TASP1: variants seen among roughly 807,000 people sequenced by gnomAD.
The protein encoded by TASP1 is threonine aspartase 1.
A neutral mutation model predicts 56.6 loss-of-function variants in TASP1; 16 were observed. That is an observed-to-expected ratio of 0.28 (90% CI 0.19 to 0.43). The LOEUF (loss-of-function observed/expected upper bound fraction) is 0.43, where lower values mean the gene tolerates loss of function less well. TASP1 is among the 20% of genes least tolerant of loss of function. The probability of loss-of-function intolerance (pLI) is 1.00; values close to 1 mark genes in which losing one functional copy is unlikely to be tolerated. For synonymous variants in TASP1, 179 were observed against 184.2 expected (o/e 0.97, Z 0.23); for missense variants, 393 against 511.6 (o/e 0.77, Z 2.24).
the TASP1 span, among the ~76,000 whole-genome samples, chr20:13,297,267 G>A: frequency 2.0e-5 from 3 of 152,058 alleles, no homozygotes; most frequent in Non-Finnish European, 1.5e-5. Context: ...ACAGGGCTTG[G>A]GTAAAGTTTA....
chr20:13,565,605 A>G (rs751147969), intron 7 of TASP1, among the ~76,000 whole-genome samples: 4 of 152,194 alleles, frequency 2.6e-5, no homozygotes, highest in Non-Finnish European at 5.9e-5. Context: ...TAACAGCATA[A>G]TCATTATGGA....
the TASP1 span, among the ~76,000 whole-genome samples, chr20:13,275,205 T>C: frequency 4.7e-5 from 6 of 127,926 alleles, no homozygotes; most frequent in Non-Finnish European, 1.1e-4. Context: ...AAGACGGACT[T>C]AAAAATAGTC....
At chr20:13,357,933 AT>A in the TASP1 span, among the ~76,000 whole-genome samples, 1 of 152,200 alleles carries the variant, frequency 6.6e-6, no homozygotes, top group Non-Finnish European at 1.5e-5. Flanking sequence ...ACTTGCACGT[AT>A]ATGCCCAGAT....
the TASP1 span, among the ~76,000 whole-genome samples, chr20:13,356,531 G>A: frequency 4.5e-4 from 68 of 152,294 alleles, no homozygotes; most frequent in Non-Finnish European, 6.9e-4. Context: ...TTGGCCCCAA[G>A]AGCTTCCAGA....
chr20:13,630,316 A>G (rs770241766), intron 1 of TASP1, among the ~76,000 whole-genome samples, 164 bp from the exon 2 acceptor site: 1 of 152,204 alleles, frequency 6.6e-6, no homozygotes, highest in African/African-American at 2.4e-5. Flanking sequence ...ATTTTTTCTT[A>G]TTCCCATTGA....
the TASP1 span, among the ~76,000 whole-genome samples, chr20:13,358,627 C>T: frequency 1.3e-5 from 2 of 151,636 alleles, no homozygotes; most frequent in Non-Finnish European, 2.9e-5. Flanking sequence ...TATCCGTGGA[C>T]ACAAAACTTC....
At chr20:13,329,028 G>C in the TASP1 span, among the ~76,000 whole-genome samples, 1 of 152,080 alleles carries the variant, frequency 6.6e-6, no homozygotes, top group Non-Finnish European at 1.5e-5. Flanking sequence ...AAATAAAATT[G>C]GGTTGTTTTC....
chr20:13,580,704 C>T (rs2047089566), intron 6 of TASP1, among the ~76,000 whole-genome samples, 193 bp downstream of exon 6: 1 of 151,994 alleles, frequency 6.6e-6, no homozygotes, highest in Non-Finnish European at 1.5e-5. Context: ...AACACTGATC[C>T]CCTTTCTGCT....
intron 11 of TASP1, among the ~76,000 whole-genome samples, chr20:13,437,724 C>G (rs1220065701): frequency 6.6e-6 from 1 of 152,156 alleles, no homozygotes; most frequent in Non-Finnish European, 1.5e-5. Flanking sequence ...AACAGACAAA[C>G]AGAGAGCCAA....
chr20:13,142,066 G>A, the TASP1 span, among the ~76,000 whole-genome samples: 2 of 152,338 alleles, frequency 1.3e-5, no homozygotes, highest in South Asian at 2.1e-4. Flanking sequence ...CTAGCAAACT[G>A]TTCCAGAACC....
At chr20:13,213,790 C>G in the TASP1 span, among the ~76,000 whole-genome samples, 4 of 152,292 alleles carry the variant, frequency 2.6e-5, no homozygotes, top group South Asian at 8.3e-4. Context: ...TGATGTGATG[C>G]ACTGAGAAGA....
the TASP1 span, among the ~76,000 whole-genome samples, chr20:13,230,548 C>T: frequency 2.6e-5 from 4 of 152,152 alleles, no homozygotes; most frequent in Admixed American, 1.3e-4. Context: ...ACAAATTTTA[C>T]CCTTTACAAA....
chr20:13,437,504 G>A (rs2043047043), intron 11 of TASP1, among the ~76,000 whole-genome samples: 1 of 152,154 alleles, frequency 6.6e-6, no homozygotes, highest in Admixed American at 6.5e-5. Flanking sequence ...GGAAGTTCTG[G>A]CCAGGGCAAT....
At position 13,528,516 on chromosome 20, in the gene TASP1, G is replaced by A. The variant is rs1179835682; in HGVS notation, c.796-5C>T. On this transcript the variant is annotated splice_region_variant and splice_polypyrimidine_tract_variant and intron_variant, in intron 9 of 13. Transcript: ENST00000337743. ...GCCACATCCATAAAGAGCAGCCTGG[G>A]GAAAAAAGAAAATAGATATAATATT... 1 of 1,601,696 alleles carries A rather than the reference G, an allele frequency of 6.2e-7. No individual in the cohort carries two copies. Among genetic ancestry groups the A allele is most frequent in the Non-Finnish European group, 8.5e-7 (1 of 1,174,304 alleles).
intron 10 of TASP1, 61 bp downstream of exon 10, chr20:13,528,372 T>G: frequency 7.0e-7 from 1 of 1,431,082 alleles, no homozygotes; most frequent in South Asian, 1.2e-5. Flanking sequence ...ATATTGCTTT[T>G]AATCATTAAA....
chr20:13,340,364 A>G, the TASP1 span, among the ~76,000 whole-genome samples: 3 of 152,188 alleles, frequency 2.0e-5, no homozygotes, highest in African/African-American at 4.8e-5. Flanking sequence ...AAGTAAGACA[A>G]TCACTGCCTA....
At chr20:13,417,058 T>C (rs2042279800) in intron 13 of TASP1, among the ~76,000 whole-genome samples, 1 of 152,208 alleles carries the variant, frequency 6.6e-6, no homozygotes. Flanking sequence ...TTAAAGCTTG[T>C]TTGACTCAGT....
the TASP1 span, among the ~76,000 whole-genome samples, chr20:13,336,545 C>A: frequency 6.6e-6 from 1 of 152,166 alleles, no homozygotes; most frequent in Non-Finnish European, 1.5e-5. Flanking sequence ...TACACTCACC[C>A]CTCAAGTATG....
At chr20:13,294,768 T>C in the TASP1 span, among the ~76,000 whole-genome samples, 1 of 152,214 alleles carries the variant, frequency 6.6e-6, no homozygotes, top group Non-Finnish European at 1.5e-5. Context: ...CTCGACACTC[T>C]TGGGTGCACC....
Sources: gnomAD v4.1 joint callset for allele counts (sites outside exome capture counted in the v4.1 genomes callset) on GRCh38, gnomAD v4.1.1 for gene constraint, MANE v1.5 for transcripts, NCBI Gene and HGNC (gene_info 2026-07-23, HGNC 2026-07-21) for gene names.